Variants in REV3L observed in about 807,000 individuals in gnomAD.
REV3L encodes the protein DNA polymerase zeta catalytic subunit.
In REV3L, 69 loss-of-function variants were observed where a neutral mutation model predicts 299.4. The observed-to-expected ratio is 0.23, with a 90% CI of 0.19 to 0.28. REV3L has a LOEUF of 0.28. Ranked by LOEUF, REV3L falls within the 10% of genes least tolerant of loss-of-function variation. The pLI is 1.00. For missense variants in REV3L, 3,128 were observed against 3,693.8 expected, an observed-to-expected ratio of 0.85 and a Z score of 3.97; for synonymous variants, 1,238 against 1,271.4, an observed-to-expected ratio of 0.97 and a Z score of 0.56.
chr6:111,400,417 A>T lies in REV3L; in HGVS notation c.565+5053T>A, dbSNP rs1259202673. Among the ~76,000 whole-genome samples, 6 of 152,180 alleles carry T rather than the reference A, an allele frequency of 3.9e-5. No homozygotes were observed. In the South Asian group the frequency reaches 1.2e-3, roughly 31 times the overall value. On this transcript the variant is annotated intron_variant, in intron 4 of 31. Coordinates refer to ENST00000368802, the MANE Select transcript of REV3L (RefSeq NM_001372078.1). ...TGTTATTGTTAGTCTTGCGAATTGT[A>T]GTCATTCTAATAGGTATATAGTGGT...
At chr6:111,329,472 C>T in intron 25 of REV3L, 60 bp downstream of exon 25, 2 of 1,497,810 alleles carry the variant, frequency 1.3e-6, no homozygotes, top group Non-Finnish European at 1.9e-6. Context: ...CAGGTGAGTG[C>T]CACCGTGCCT....
rs746104150 is a variant in REV3L, at chr6:111,380,068, T to C, written c.1368A>G (p.Pro456=). 2.5e-6 allele frequency: 4 copies of C among 1,613,894 alleles called. No homozygotes were observed. Among genetic ancestry groups the C allele is most frequent in the Non-Finnish European group, 3.4e-6 (4 of 1,179,944 alleles). The change falls in exon 11 of 32, where the codon CCA becomes CCG. Residue 456 remains proline, a synonymous_variant. Transcript: ENST00000368802. ...PQNSDDEENE[P]QIEKEEMELS... ...GCTCCATTTCCTCTTTTTCAATCTG[T>C]GGTTCATTTTCTTCATCATCACTAT...
intron 11 of REV3L, 59 bp from the exon 12 acceptor site, chr6:111,377,902 C>A: frequency 7.3e-7 from 1 of 1,372,404 alleles, no homozygotes; most frequent in East Asian, 2.4e-5. Context: ...ATCTCAGATG[C>A]AAATAATGCA....
chr6:111,437,718 T>C (rs2128304957), intron 1 of REV3L, among the ~76,000 whole-genome samples: 1 of 152,248 alleles, frequency 6.6e-6, no homozygotes, highest in South Asian at 2.1e-4. Context: ...TGACTGCTAT[T>C]TGAGACGGTG....
At chr6:111,418,944 T>C (rs559130808) in intron 1 of REV3L, among the ~76,000 whole-genome samples, 1 of 152,350 alleles carries the variant, frequency 6.6e-6, no homozygotes, top group East Asian at 1.9e-4. Flanking sequence ...AAAGGAATGA[T>C]GTGAAAGCCT....
chr6:111,386,207 C>T (rs550417154), intron 9 of REV3L, among the ~76,000 whole-genome samples: 5 of 152,284 alleles, frequency 3.3e-5, no homozygotes, highest in Admixed American at 6.5e-5. Context: ...ACAGATGTAG[C>T]ACTAAGTGCA....
intron 24 of REV3L, among the ~76,000 whole-genome samples, chr6:111,330,650 T>C (rs1775285765): frequency 6.6e-6 from 1 of 152,166 alleles, no homozygotes; most frequent in South Asian, 2.1e-4. Context: ...ATGGAACATA[T>C]TCTAACCTCT....
intron 25 of REV3L, among the ~76,000 whole-genome samples, chr6:111,326,293 A>G (rs1774803975): frequency 6.6e-6 from 1 of 152,206 alleles, no homozygotes; most frequent in African/African-American, 2.4e-5. Flanking sequence ...GTAGGAAAAA[A>G]ACAAATAATT....
Position 111,374,921 on chromosome 6 carries a change from TTTTCTGCAGCAGCCATGA to T in REV3L, c.3416_3433del (p.Ile1139_Glu1144del). Reference sequence around the variant, plus strand: ...AGGACCCTTAAAAAGCATTGCCTCTTTTTCTGCAGCAGCCATGATTTCTTCAGCTCTTGGATCTGTGGG... The same window carrying T: ...AGGACCCTTAAAAAGCATTGCCTCTTTTTCTTCAGCTCTTGGATCTGTGGG... On this transcript the variant is annotated inframe_deletion, in exon 13 of 32. Transcript: ENST00000368802. 6.2e-7 allele frequency: 1 copy of T among 1,612,982 alleles called. No individual in the cohort carries two copies. Among genetic ancestry groups the T allele is most frequent in the Non-Finnish European group, 8.5e-7 (1 of 1,179,680 alleles).
chr6:111,354,178 G>A (rs1476359342), intron 18 of REV3L: 2 of 152,140 alleles, frequency 1.3e-5, no homozygotes, highest in Non-Finnish European at 2.9e-5. Context: ...GATGCCAGAT[G>A]ATTACACAGG....
chr6:111,439,350 T>C (rs182675973), intron 1 of REV3L, among the ~76,000 whole-genome samples: 3 of 152,274 alleles, frequency 2.0e-5, no homozygotes, highest in Middle Eastern at 3.4e-3. Flanking sequence ...AGTGCGGTGG[T>C]GGTTCAAGAA....
intron 13 of REV3L, among the ~76,000 whole-genome samples, chr6:111,370,923 T>C (rs1779739226): frequency 1.3e-5 from 2 of 152,324 alleles, no homozygotes; most frequent in East Asian, 3.9e-4. Context: ...GGTGTGGTAC[T>C]TTCTATGGCT....
intron 25 of REV3L, among the ~76,000 whole-genome samples, chr6:111,323,887 T>C (rs904510746): frequency 9.2e-5 from 14 of 152,196 alleles, no homozygotes; most frequent in Non-Finnish European, 1.9e-4. Flanking sequence ...TGAATAGTAT[T>C]TAAAAGGCTA....
At chr6:111,310,629 A>AGT (rs529562519) in intron 29 of REV3L, 112 of 156,348 alleles carry the variant, frequency 7.2e-4, no homozygotes, top group Non-Finnish European at 1.0e-3. Context: ...TGGGCGACAG[A>AGT]GTGAGACCCT....
chr6:111,470,162 G>A (rs1792005999), intron 1 of REV3L, among the ~76,000 whole-genome samples: 1 of 149,860 alleles, frequency 6.7e-6, no homozygotes, highest in African/African-American at 2.5e-5. Context: ...GAGTACCAGG[G>A]TTTACTATCT....
chr6:111,432,812 C>T (rs1295671336), intron 1 of REV3L, among the ~76,000 whole-genome samples: 1 of 152,162 alleles, frequency 6.6e-6, no homozygotes, highest in African/African-American at 2.4e-5. Context: ...AAACAAGTCT[C>T]ACCAAATTTA....
chr6:111,414,254 C>A (rs938386297), intron 2 of REV3L, among the ~76,000 whole-genome samples: 14 of 152,072 alleles, frequency 9.2e-5, no homozygotes, highest in African/African-American at 3.4e-4. Flanking sequence ...AAGAAAACTT[C>A]TCTGAAGAGG....
chr6:111,370,110 C>T (rs758434132), intron 13 of REV3L, among the ~76,000 whole-genome samples: 1 of 152,108 alleles, frequency 6.6e-6, no homozygotes, highest in African/African-American at 2.4e-5. Flanking sequence ...GGATTACAGG[C>T]GTGAGCCACC....
intron 21 of REV3L, among the ~76,000 whole-genome samples, chr6:111,341,076 G>A (rs1419443249): frequency 2.2e-5 from 3 of 133,384 alleles, no homozygotes; most frequent in Admixed American, 8.8e-5. Context: ...TTGCTGTGTC[G>A]CCCAGACTGG....
Sources: gnomAD v4.1 joint callset for allele counts (sites outside exome capture counted in the v4.1 genomes callset) on GRCh38, gnomAD v4.1.1 for gene constraint, MANE v1.5 for transcripts, NCBI Gene and HGNC (gene_info 2026-07-23, HGNC 2026-07-21) for gene names.